Variants in SLIRP observed in about 807,000 individuals in gnomAD.
SLIRP encodes the protein SRA stem-loop-interacting RNA-binding protein, mitochondrial.
Under a neutral mutation model 13.4 loss-of-function variants are expected in SLIRP, and 12 were observed. The ratio of observed to expected loss-of-function variants is 0.89; its 90% CI spans 0.57 to 1.45. SLIRP has a LOEUF of 1.45. Ranked by LOEUF, SLIRP falls within the 40% of genes most tolerant of loss-of-function variation. SLIRP has a pLI of 0.00. For missense variants in SLIRP, 154 were observed against 132.2 expected (o/e 1.17, Z -0.81); for synonymous variants, 55 against 47.1 (o/e 1.17, Z -0.69).
intron 1 of SLIRP, among the ~76,000 whole-genome samples, chr14:77,709,935 A>G (rs1566820987): frequency 6.6e-6 from 1 of 152,276 alleles, no homozygotes; most frequent in South Asian, 2.1e-4. Flanking sequence ...TTTATTGGTC[A>G]CTGTAAACAT....
chr14:77,710,441 T>C (rs1192872423), intron 1 of SLIRP: 3 of 559,688 alleles, frequency 5.4e-6, no homozygotes, highest in African/African-American at 1.9e-5. Flanking sequence ...ACTCAACACA[T>C]TTTACTAAAT....
intron 2 of SLIRP, among the ~76,000 whole-genome samples, chr14:77,714,891 G>A (rs1355323073): frequency 6.6e-6 from 1 of 152,120 alleles, no homozygotes; most frequent in African/African-American, 2.4e-5. Context: ...GGGCTGGAGG[G>A]GCAGGGTACA....
chr14:77,712,939 A>T (rs929032800), intron 2 of SLIRP, among the ~76,000 whole-genome samples: 3 of 152,152 alleles, frequency 2.0e-5, no homozygotes, highest in African/African-American at 7.2e-5. Context: ...ATGGCATCTT[A>T]TACAGAACAT....
intron 2 of SLIRP, among the ~76,000 whole-genome samples, chr14:77,715,481 A>C (rs1025036320): frequency 1.2e-5 from 1 of 82,546 alleles, no homozygotes; most frequent in Non-Finnish European, 2.4e-5. Context: ...CCATCTCTGC[A>C]AAAAATATAA....
chr14:77,716,438 A>G (rs902611451), intron 3 of SLIRP: 1 of 152,486 alleles, frequency 6.6e-6, no homozygotes. Flanking sequence ...ACCAGAGGTC[A>G]GGAGTTTGAG....
intron 1 of SLIRP, 46 bp downstream of exon 1, chr14:77,708,254 G>C (rs1486111284): frequency 6.3e-7 from 1 of 1,582,340 alleles, no homozygotes; most frequent in Non-Finnish European, 8.7e-7. Flanking sequence ...AGGTCCAAGT[G>C]ATCCTCAAAG....
chr14:77,712,133 C>T (rs979713892), intron 2 of SLIRP: 1 of 152,180 alleles, frequency 6.6e-6, no homozygotes, highest in Non-Finnish European at 1.5e-5. Context: ...CACAGCTGAG[C>T]ACAGTTTAGC....
chr14:77,715,856 AATC>A lies in SLIRP; in HGVS notation c.244_246del (p.His82del). On this transcript the variant is annotated inframe_deletion, in exon 3 of 4. Transcript: ENST00000557342. ...ACTTCGGAATGCACTACAACAGGAA[AATC>A]ATATTATAGATGGAGTAAAGGTAAA... 6.2e-7 allele frequency: 1 copy of A among 1,613,894 alleles called. No homozygotes were observed. Among genetic ancestry groups the A allele is most frequent in the African/African-American group, 1.3e-5 (1 of 75,038 alleles).
chr14:77,710,812 T>C, intron 1 of SLIRP, 26 bp from the exon 2 acceptor site: 1 of 1,613,916 alleles, frequency 6.2e-7, no homozygotes, highest in Non-Finnish European at 8.5e-7. Flanking sequence ...TAGTAACTAC[T>C]TTTAATGTTT....
At chr14:77,714,551 T>C (rs917229445) in intron 2 of SLIRP, among the ~76,000 whole-genome samples, 3 of 152,232 alleles carry the variant, frequency 2.0e-5, no homozygotes, top group Non-Finnish European at 2.9e-5. Flanking sequence ...TCCATCCACC[T>C]CAGCCTCCCA....
intron 2 of SLIRP, chr14:77,711,716 T>TC (rs2080441951): frequency 2.6e-5 from 4 of 151,994 alleles, no homozygotes; most frequent in Admixed American, 2.6e-4. Context: ...CCACCACACC[T>TC]GGGTAATTTT....
intron 2 of SLIRP, among the ~76,000 whole-genome samples, chr14:77,711,479 C>G (rs1026756884): frequency 6.6e-6 from 1 of 151,984 alleles, no homozygotes; most frequent in African/African-American, 2.4e-5. Context: ...CATGTGCCAC[C>G]ATGCCCAGCT....
intron 1 of SLIRP, among the ~76,000 whole-genome samples, chr14:77,709,688 G>C (rs1014344473): frequency 6.6e-6 from 1 of 152,336 alleles, no homozygotes; most frequent in South Asian, 2.1e-4. Flanking sequence ...TTTAGGAAGA[G>C]GGTTACCTTC....
At chr14:77,710,411 A>C (rs1367585101) in intron 1 of SLIRP, 1 of 419,144 alleles carries the variant, frequency 2.4e-6, no homozygotes, top group African/African-American at 2.0e-5. Flanking sequence ...GAAATAAGGC[A>C]GGAAGGGTAG....
intron 3 of SLIRP, chr14:77,716,347 AAG>A (rs1168579754): frequency 6.7e-6 from 1 of 148,622 alleles, no homozygotes; most frequent in African/African-American, 2.5e-5. Context: ...ACAACAAAAA[AAG>A]AATGGTGCGG....
At chr14:77,710,173 G>A (rs2080429365) in intron 1 of SLIRP, among the ~76,000 whole-genome samples, 1 of 152,168 alleles carries the variant, frequency 6.6e-6, no homozygotes, top group African/African-American at 2.4e-5. Flanking sequence ...GTCTCACAGG[G>A]CTGGTACATT....
intron 1 of SLIRP, 131 bp downstream of exon 1, chr14:77,708,339 CAGAA>C (rs2080412401): frequency 3.4e-6 from 3 of 889,398 alleles, no homozygotes; most frequent in African/African-American, 1.7e-5. Context: ...TGCAAGTGAG[CAGAA>C]AGAAATTTTG....
chr14:77,716,597 G>A (rs149524083), intron 3 of SLIRP, among the ~76,000 whole-genome samples: 7,566 of 134,310 alleles, frequency 0.056, 279 homozygotes, highest in Middle Eastern at 0.11. Context: ...AACTAAAATC[G>A]CGCCATTGCA....
intron 3 of SLIRP, among the ~76,000 whole-genome samples, chr14:77,717,089 A>G (rs1053084607): frequency 1.3e-5 from 2 of 152,146 alleles, no homozygotes; most frequent in Non-Finnish European, 2.9e-5. Flanking sequence ...CAGGTCAGGC[A>G]AGCTGGGGCT....
Sources: gnomAD v4.1 joint callset for allele counts (sites outside exome capture counted in the v4.1 genomes callset) on GRCh38, gnomAD v4.1.1 for gene constraint, MANE v1.5 for transcripts, NCBI Gene and HGNC (gene_info 2026-07-23, HGNC 2026-07-21) for gene names.